NEMP2: variants seen among roughly 807,000 people sequenced by gnomAD.
NEMP2 encodes the protein UPF0571 transmembrane protein.
NEMP2 carries 53 observed loss-of-function variants against 54.2 expected under a neutral mutation model. That is an observed-to-expected ratio of 0.98 (90% CI 0.78 to 1.23). NEMP2 has a LOEUF of 1.23. Among genes scored for constraint, NEMP2 ranks in the 50% most tolerant of loss-of-function variants. The probability of loss-of-function intolerance (pLI) is 0.00; values close to 1 mark genes in which losing one functional copy is unlikely to be tolerated. For synonymous variants in NEMP2, 197 were observed against 190.3 expected (o/e 1.04, Z -0.29); for missense variants, 455 against 511.3 (o/e 0.89, Z 1.06).
At position 190,525,280 on chromosome 2, in the gene NEMP2, T is replaced by C. The variant is rs778767023; in HGVS notation, c.196A>G (p.Ile66Val). 14 of 1,544,352 alleles carry C rather than the reference T, an allele frequency of 9.1e-6. No homozygotes were observed. Among genetic ancestry groups the C allele is most frequent in the Non-Finnish European group, 1.2e-5 (14 of 1,140,648 alleles). ...NQNSQVEWKY[I>V]WSTMQVKITS... is the part of the protein sequence containing the mutation. Reference sequence around the variant, plus strand: ...GCCCTTACCTGCATAGTTGACCATATGTATTTCCACTCCACTTGGGAATTT... The same window carrying C: ...GCCCTTACCTGCATAGTTGACCATACGTATTTCCACTCCACTTGGGAATTT... Residue 66 changes from isoleucine (I) to valine (V), a missense_variant, in exon 2 of 9, where the codon ATA (isoleucine) becomes GTA (valine). By Grantham distance (29) the Ile-to-Val change is conservative (BLOSUM62 3). Around this residue, in one of 3 missense-constraint regions of NEMP2, gnomAD observed 61 missense variants for 97.5 expected, o/e 0.63. Coordinates refer to ENST00000409150, the MANE Select transcript of NEMP2 (RefSeq NM_001142645.2). This position sits in a 1 kb window ranked among gnomAD's most constrained non-coding sequence, Gnocchi z 5.0.
At chr2:190,566,332 A>G in the NEMP2 span, among the ~76,000 whole-genome samples, 2 of 152,152 alleles carry the variant, frequency 1.3e-5, no homozygotes, top group Admixed American at 6.5e-5. Context: ...TCTTACTGTC[A>G]GGTTTACTGG....
the NEMP2 span, among the ~76,000 whole-genome samples, chr2:190,567,776 GTAGCTGGGAC>G: frequency 6.6e-6 from 1 of 152,140 alleles, no homozygotes; most frequent in Non-Finnish European, 1.5e-5. The surrounding 1 kb of genome is among the most constrained non-coding windows in gnomAD (Gnocchi z 4.0). Flanking sequence ...AGCCTCCCAA[GTAGCTGGGAC>G]TACAGGCATG....
chr2:190,567,541 T>C, the NEMP2 span, among the ~76,000 whole-genome samples: 1 of 152,280 alleles, frequency 6.6e-6, no homozygotes, highest in East Asian at 1.9e-4. This position sits in a 1 kb window ranked among gnomAD's most constrained non-coding sequence, Gnocchi z 4.0. Context: ...AAAGAATTAG[T>C]CTTATGCTAA....
At chr2:190,593,971 C>T in the NEMP2 span, among the ~76,000 whole-genome samples, 2 of 152,174 alleles carry the variant, frequency 1.3e-5, no homozygotes, top group Admixed American at 1.3e-4. This position sits in a 1 kb window ranked among gnomAD's most constrained non-coding sequence, Gnocchi z 4.5. Flanking sequence ...GGCAACATCA[C>T]TTCTCCACCT....
the NEMP2 span, among the ~76,000 whole-genome samples, chr2:190,482,462 G>C: frequency 6.6e-6 from 1 of 151,382 alleles, no homozygotes; most frequent in Non-Finnish European, 1.5e-5. Flanking sequence ...TCATGGGAAA[G>C]GTTTGTCACA....
the NEMP2 span, among the ~76,000 whole-genome samples, chr2:190,606,099 TACTC>T: frequency 6.6e-6 from 1 of 152,242 alleles, no homozygotes; most frequent in Non-Finnish European, 1.5e-5. Flanking sequence ...GTGATTTAAA[TACTC>T]ACTCACAGTT....
At chr2:190,598,750 A>G in the NEMP2 span, among the ~76,000 whole-genome samples, 1 of 152,278 alleles carries the variant, frequency 6.6e-6, no homozygotes, top group African/African-American at 2.4e-5. Context: ...ATGTTGCTGC[A>G]CAGACTTAAA....
the NEMP2 span, among the ~76,000 whole-genome samples, chr2:190,466,819 C>T: frequency 6.6e-6 from 1 of 152,272 alleles, no homozygotes; most frequent in Non-Finnish European, 1.5e-5. Context: ...GAAGGGAAGG[C>T]TATATCAAAT....
chr2:190,431,381 C>T, the NEMP2 span, among the ~76,000 whole-genome samples: 2 of 152,200 alleles, frequency 1.3e-5, no homozygotes, highest in Non-Finnish European at 2.9e-5. This position sits in a 1 kb window ranked among gnomAD's most constrained non-coding sequence, Gnocchi z 4.4. Context: ...TGTAGCGAGC[C>T]GAGATCACCC....
chr2:190,515,123 A>G (rs1466551719), intron 6 of NEMP2, among the ~76,000 whole-genome samples: 2 of 152,154 alleles, frequency 1.3e-5, no homozygotes, highest in Non-Finnish European at 2.9e-5. Flanking sequence ...CGATGGTGAG[A>G]CTATAAGCTA....
chr2:190,613,419 A>C, the NEMP2 span, among the ~76,000 whole-genome samples: 1 of 152,174 alleles, frequency 6.6e-6, no homozygotes, highest in Non-Finnish European at 1.5e-5. Context: ...TTTATTAAAA[A>C]CCAGCAAAGA....
intron 4 of NEMP2, 51 bp from the exon 5 acceptor site, chr2:190,517,664 G>C: frequency 7.5e-7 from 1 of 1,338,784 alleles, no homozygotes; most frequent in Non-Finnish European, 1.0e-6. Context: ...AGCACTTTGA[G>C]TATGAAAAAC....
At chr2:190,562,732 T>A in the NEMP2 span, among the ~76,000 whole-genome samples, 1 of 152,018 alleles carries the variant, frequency 6.6e-6, no homozygotes. This position sits in a 1 kb window ranked among gnomAD's most constrained non-coding sequence, Gnocchi z 5.0. Context: ...TTTTTAAATA[T>A]CATGTATAGC....
chr2:190,575,106 C>T, the NEMP2 span, among the ~76,000 whole-genome samples: 2 of 152,086 alleles, frequency 1.3e-5, no homozygotes, highest in South Asian at 2.1e-4. Flanking sequence ...CTGCCCGCCT[C>T]GCCCTCCCAA....
chr2:190,475,287 A>T, the NEMP2 span, among the ~76,000 whole-genome samples: 1 of 152,244 alleles, frequency 6.6e-6, no homozygotes, highest in South Asian at 2.1e-4. Flanking sequence ...CCCTGTTTGC[A>T]GATGACATGA....
At chr2:190,564,757 G>A in the NEMP2 span, among the ~76,000 whole-genome samples, 4 of 152,198 alleles carry the variant, frequency 2.6e-5, no homozygotes, top group Non-Finnish European at 4.4e-5. The surrounding 1 kb of genome is among the most constrained non-coding windows in gnomAD (Gnocchi z 4.2). Flanking sequence ...GTTTCTAGTT[G>A]CTGGATTCTC....
the NEMP2 span, among the ~76,000 whole-genome samples, chr2:190,453,900 A>G: frequency 6.6e-6 from 1 of 152,200 alleles, no homozygotes; most frequent in Non-Finnish European, 1.5e-5. Flanking sequence ...ATTATCATAC[A>G]TGTCAGAGAG....
the NEMP2 span, among the ~76,000 whole-genome samples, chr2:190,452,136 T>TA: frequency 3.3e-5 from 5 of 151,820 alleles, no homozygotes; most frequent in African/African-American, 1.2e-4. Context: ...AGATGAAAAG[T>TA]AAAAAACAAA....
At chr2:190,503,486 G>A (rs887487297), downstream of NEMP2, among the ~76,000 whole-genome samples, 2 of 152,246 alleles carry the variant, frequency 1.3e-5, no homozygotes, top group African/African-American at 4.8e-5. The surrounding 1 kb of genome is among the most constrained non-coding windows in gnomAD (Gnocchi z 6.3). Flanking sequence ...TGGACAGCAC[G>A]GGTATACAGG....
Sources: allele counts gnomAD v4.1 joint callset (sites outside exome capture counted in the v4.1 genomes callset), GRCh38; gene constraint gnomAD v4.1.1; regional missense constraint gnomAD v4.1.1; non-coding constraint Gnocchi (gnomAD v3.1); transcripts MANE v1.5; gene names NCBI Gene and HGNC (gene_info 2026-07-23, HGNC 2026-07-21).